The following OR9Q1 variants were observed in gnomAD, a reference collection of about 807,000 sequenced individuals.
The protein encoded by OR9Q1 is olfactory receptor 9Q1.
For synonymous variants in OR9Q1, 153 were observed against 148.6 expected, an observed-to-expected ratio of 1.03 and a Z score of -0.22; for missense variants, 374 against 378.8, an observed-to-expected ratio of 0.99 and a Z score of 0.11.
At chr11:58,147,899 TTAGAAA>T (rs1432378034) in intron 2 of OR9Q1, among the ~76,000 whole-genome samples, 2 of 152,228 alleles carry the variant, frequency 1.3e-5, no homozygotes, top group Admixed American at 1.3e-4. Flanking sequence ...ACATATTCTC[TTAGAAA>T]TAGAATTCAG....
At chr11:58,029,238 A>G (rs1357312748) in intron 1 of OR9Q1, among the ~76,000 whole-genome samples, 1 of 152,216 alleles carries the variant, frequency 6.6e-6, no homozygotes, top group African/African-American at 2.4e-5. Flanking sequence ...TCCGGCTGGT[A>G]CGCTGCTGCT....
intron 2 of OR9Q1, among the ~76,000 whole-genome samples, chr11:58,176,406 C>T (rs1854607282): frequency 6.6e-6 from 1 of 152,112 alleles, no homozygotes; most frequent in Non-Finnish European, 1.5e-5. Context: ...AATTGCCTTT[C>T]CTTAGAGAAC....
intron 2 of OR9Q1, among the ~76,000 whole-genome samples, chr11:58,105,080 A>ATTT (rs5792080): frequency 6.7e-5 from 10 of 149,266 alleles, no homozygotes; most frequent in Non-Finnish European, 1.5e-4. Flanking sequence ...GAGAAGGTAG[A>ATTT]TTTTTTTTTT....
rs182468295 is a variant in OR9Q1 at position 58,089,144 on chromosome 11, T to C, written c.-15+33197T>C. On this transcript the variant is annotated intron_variant, in intron 2 of 2. Coordinates refer to ENST00000335397, the MANE Select transcript of OR9Q1 (RefSeq NM_001005212.4). The stretch of plus-strand genomic sequence containing the variant: ...TCACCCACCTCGGCTTCCCAAAGTG[T>C]TGGGATTACAAGCGTGAGCCACCAT... Among the ~76,000 whole-genome samples the C allele has an allele frequency of 4.1e-3, 621 of 151,864 alleles. 11 individuals are homozygous for C. Among genetic ancestry groups the C allele is most frequent in the African/African-American group, 0.014 (559 of 41,226 alleles).
Position 58,180,130 on chromosome 11 carries a change from C to T in OR9Q1, c.686C>T (p.Pro229Leu), listed in dbSNP as rs1323230431. 1 of 1,614,132 alleles carries T rather than the reference C, an allele frequency of 6.2e-7. No individual in the cohort carries two copies. The highest frequency in any genetic ancestry group is 1.7e-5 in the Admixed American group (1 of 60,020). Residue 229 changes from proline (P) to leucine (L), a missense_variant, in exon 3 of 3, where the codon CCT becomes CTT. Physicochemically the swap from Pro to Leu is moderately conservative, Grantham distance 98. Coordinates refer to ENST00000335397, the MANE Select transcript of OR9Q1 (RefSeq NM_001005212.4). ...ATCATCGTGGCCATCATGGGGATCCCTGCTGGAAGCCAGGCCAAGACCTTC... is the reference window on the plus strand; with the variant it reads ...ATCATCGTGGCCATCATGGGGATCCTTGCTGGAAGCCAGGCCAAGACCTTC... ...LFIIVAIMGI[P>L]AGSQAKTFST... is the part of the protein sequence containing the mutation.
chr11:58,098,607 C>G (rs1212618300), intron 2 of OR9Q1, among the ~76,000 whole-genome samples: 1 of 152,094 alleles, frequency 6.6e-6, no homozygotes. Flanking sequence ...GCACTCCAGC[C>G]TGGGCGACAG....
intron 2 of OR9Q1, among the ~76,000 whole-genome samples, chr11:58,057,314 T>C (rs1463810684): frequency 6.6e-6 from 1 of 152,106 alleles, no homozygotes; most frequent in Non-Finnish European, 1.5e-5. Context: ...AAGTACCTAA[T>C]GACCAGAGAG....
At chr11:58,112,584 C>G (rs867695048) in intron 2 of OR9Q1, among the ~76,000 whole-genome samples, 1 of 152,154 alleles carries the variant, frequency 6.6e-6, no homozygotes, top group Non-Finnish European at 1.5e-5. Context: ...CTGTCATACT[C>G]TCTCTGATTG....
At chr11:58,148,308 G>GTATA (rs142787260) in intron 2 of OR9Q1, among the ~76,000 whole-genome samples, 7 of 151,034 alleles carry the variant, frequency 4.6e-5, no homozygotes, top group African/African-American at 1.7e-4. Context: ...GCAGAAGTGT[G>GTATA]TATATATATA....
At chr11:58,141,831 C>G (rs1004326559) in intron 2 of OR9Q1, among the ~76,000 whole-genome samples, 3 of 152,088 alleles carry the variant, frequency 2.0e-5, no homozygotes, top group Non-Finnish European at 1.5e-5. Flanking sequence ...CCAGCCTTAC[C>G]TTTGTGCTGG....
At position 58,177,700 on chromosome 11, in the gene OR9Q1, G is replaced by T. The variant is rs997531285; in HGVS notation, c.-14-1731G>T. Among the ~76,000 whole-genome samples, 4 of 152,266 alleles carry T rather than the reference G, an allele frequency of 2.6e-5. No homozygotes were observed. The South Asian group carries it at 8.3e-4, about 32-fold the overall frequency. ...ATTTTAGTGAGTTCTTAGACTTCGG[G>T]CATTTTCTGTTTTTAAACACTTTCA... On this transcript the variant is annotated intron_variant, in intron 2 of 2. Transcript: ENST00000335397.
At chr11:58,159,812 C>T (rs990573399) in intron 2 of OR9Q1, among the ~76,000 whole-genome samples, 1 of 152,126 alleles carries the variant, frequency 6.6e-6, no homozygotes, top group African/African-American at 2.4e-5. Context: ...CATAGTGTAG[C>T]CCACTTAATT....
At chr11:58,101,254 G>C (rs1260744535) in intron 2 of OR9Q1, among the ~76,000 whole-genome samples, 1 of 152,012 alleles carries the variant, frequency 6.6e-6, no homozygotes, top group African/African-American at 2.4e-5. Flanking sequence ...ATTTTCACCA[G>C]CAGTGTGTAA....
At position 58,119,366 on chromosome 11, in the gene OR9Q1, G is replaced by A. The variant is rs778401099; in HGVS notation, c.-14-60065G>A. 96 of 1,613,818 alleles carry A rather than the reference G, an allele frequency of 5.9e-5. 1 individual carries two copies. The highest frequency in any genetic ancestry group is 7.5e-5 in the Non-Finnish European group (89 of 1,179,866). ...TAGAAACTCAGAAACACCAGAAAGAGGGGAATCTCCAATTTGGGGTGGTCC... is the reference window on the plus strand; with the variant it reads ...TAGAAACTCAGAAACACCAGAAAGAAGGGAATCTCCAATTTGGGGTGGTCC... On this transcript the variant is annotated intron_variant, in intron 2 of 2. Transcript: ENST00000335397.
At chr11:58,043,284 A>C (rs1430590457) in intron 1 of OR9Q1, among the ~76,000 whole-genome samples, 2 of 152,184 alleles carry the variant, frequency 1.3e-5, no homozygotes, top group Non-Finnish European at 2.9e-5. Flanking sequence ...GTATTTCCAA[A>C]GTCTCTACTT....
In OR9Q1 at chr11:58,053,022, A is replaced by G. The variant is rs200942267; in HGVS notation, c.-92-2848A>G. Among the ~76,000 whole-genome samples, 19 of 151,528 alleles carry G rather than the reference A, an allele frequency of 1.3e-4. No individual in the cohort carries two copies. The East Asian group carries it at 3.5e-3, about 28-fold the overall frequency. On this transcript the variant is annotated intron_variant, in intron 1 of 2. Coordinates refer to ENST00000335397, the MANE Select transcript of OR9Q1 (RefSeq NM_001005212.4). ...GGTGGGCCTGTAAACTAGTTCAACC[A>G]TTGTGGAAGTCAGTGTGGCGATTCC...
At chr11:58,097,637 C>A (rs998051275) in intron 2 of OR9Q1, among the ~76,000 whole-genome samples, 3 of 152,292 alleles carry the variant, frequency 2.0e-5, no homozygotes, top group Non-Finnish European at 4.4e-5. Flanking sequence ...CGTCATATAT[C>A]CACACACAGA....
chr11:58,129,777 T>C (rs1854123776), intron 2 of OR9Q1, among the ~76,000 whole-genome samples: 1 of 152,190 alleles, frequency 6.6e-6, no homozygotes, highest in Admixed American at 6.5e-5. Context: ...CACAGCACCC[T>C]TCTCTATTTC....
chr11:58,047,050 A>AT (rs1853223802), intron 1 of OR9Q1, among the ~76,000 whole-genome samples: 1 of 152,194 alleles, frequency 6.6e-6, no homozygotes, highest in Non-Finnish European at 1.5e-5. Context: ...GGAGTTGACC[A>AT]TCTCAGGGTA....
Sources: gnomAD v4.1 joint callset for allele counts (sites outside exome capture counted in the v4.1 genomes callset) on GRCh38, gnomAD v4.1.1 for gene constraint, MANE v1.5 for transcripts, NCBI Gene and HGNC (gene_info 2026-07-23, HGNC 2026-07-21) for gene names.